TUBA3D: variants seen among roughly 807,000 people sequenced by gnomAD.
TUBA3D encodes tubulin alpha-3D chain.
A neutral mutation model predicts 36.1 loss-of-function variants in TUBA3D; 24 were observed. The ratio of observed to expected loss-of-function variants is 0.66; its 90% CI spans 0.48 to 0.93. The LOEUF (loss-of-function observed/expected upper bound fraction) is 0.93, where lower values mean the gene tolerates loss of function less well. Among genes scored for constraint, TUBA3D ranks in the 40% least tolerant of loss-of-function variants. TUBA3D has a pLI of 0.00. For synonymous variants in TUBA3D, 185 were observed against 247.2 expected (o/e 0.75, Z 2.36); for missense variants, 356 against 614.5 (o/e 0.58, Z 4.45).
At chr2:131,478,127 G>T in intron 1 of TUBA3D, 37 bp from the exon 2 acceptor site, 1 of 1,594,860 alleles carries the variant, frequency 6.3e-7, no homozygotes, top group African/African-American at 1.3e-5. Flanking sequence ...AAGTTGCCTT[G>T]AAATGAATGG....
rs1307097830 is a variant in TUBA3D, at chr2:131,482,638, C to T, written c.1143C>T (p.Thr381=). Residue 381 remains threonine, a synonymous_variant, in exon 5 of 5, where the codon ACC becomes ACT. Transcript: ENST00000321253. ...GGGCCGTGTGCATGCTGAGCAACACCACGGCCATTGCGGAGGCCTGGGCCC... is the reference window on the plus strand; with the variant it reads ...GGGCCGTGTGCATGCTGAGCAACACTACGGCCATTGCGGAGGCCTGGGCCC... ...VQRAVCMLSN[T]TAIAEAWARL... 6.2e-7 allele frequency: 1 copy of T among 1,614,118 alleles called. No homozygotes were observed. The highest frequency in any genetic ancestry group is 8.5e-7 in the Non-Finnish European group (1 of 1,180,054).
intron 3 of TUBA3D, among the ~76,000 whole-genome samples, 195 bp downstream of exon 3, chr2:131,479,651 C>T (rs1678784622): frequency 6.6e-6 from 1 of 152,098 alleles, no homozygotes; most frequent in South Asian, 2.1e-4. Flanking sequence ...ACCAGCCTGG[C>T]CTACATGGTG....
intron 4 of TUBA3D, among the ~76,000 whole-genome samples, chr2:131,482,139 G>A (rs1215682479): frequency 6.6e-6 from 1 of 152,136 alleles, no homozygotes; most frequent in Non-Finnish European, 1.5e-5. Context: ...GTCAGAAGTG[G>A]GTATGATGTT....
intron 1 of TUBA3D, among the ~76,000 whole-genome samples, chr2:131,477,209 T>A (rs1573856710): frequency 6.6e-6 from 1 of 151,318 alleles, no homozygotes; most frequent in Non-Finnish European, 1.5e-5. Context: ...GGCTAATTTG[T>A]AGATTTTTCA....
At position 131,480,870 on chromosome 2, in the gene TUBA3D, T is replaced by C. The variant is rs566220036; in HGVS notation, c.1056+121T>C. 24 of 1,375,792 alleles carry C rather than the reference T, an allele frequency of 1.7e-5. 1 individual carries two copies. Among genetic ancestry groups the C allele is most frequent in the South Asian group, 2.8e-5 (2 of 70,328 alleles). 85.2% of individuals were successfully genotyped at this position (1,375,792 alleles called of 1,614,324 possible). Reference sequence around the variant, plus strand: ...GTTCCATGGGCTAGGCATGTGGGCATAAATTAGTGAACCAGAGTTGATAAT... The same window carrying C: ...GTTCCATGGGCTAGGCATGTGGGCACAAATTAGTGAACCAGAGTTGATAAT... On this transcript the variant is annotated intron_variant, in intron 4 of 4. Transcript: ENST00000321253.
chr2:131,479,217 T>C (rs1311127535), intron 2 of TUBA3D, 91 bp from the exon 3 acceptor site: 1 of 1,529,192 alleles, frequency 6.5e-7, no homozygotes, highest in East Asian at 2.3e-5. Flanking sequence ...TTGAACAGCA[T>C]GTGCTCTGTA....
intron 1 of TUBA3D, among the ~76,000 whole-genome samples, chr2:131,476,790 C>T (rs1678687176): frequency 6.6e-6 from 1 of 151,708 alleles, no homozygotes; most frequent in South Asian, 2.1e-4. Flanking sequence ...CAAAAATTAC[C>T]CGGGCATGGT....
At chr2:131,477,483 A>T (rs772289876) in intron 1 of TUBA3D, among the ~76,000 whole-genome samples, 2 of 152,066 alleles carry the variant, frequency 1.3e-5, no homozygotes, top group African/African-American at 2.4e-5. Context: ...GCCTGCCAAA[A>T]GTGTGGCCTT....
In TUBA3D at chr2:131,477,037, C is replaced by CTT. The variant is rs1229461335; in HGVS notation, c.3+846_3+847dup. ...TCCTTTTTTTCCTTTCTTTTTCTTT[C>CTT]TTTTTTTTTTTTGAGACAGCACTCA... On this transcript the variant is annotated intron_variant, in intron 1 of 4. Transcript: ENST00000321253. Among the ~76,000 whole-genome samples the CTT allele has an allele frequency of 1.1e-4, 12 of 108,716 alleles. 2 individuals are homozygous for CTT. The highest frequency in any genetic ancestry group is 2.5e-4 in the South Asian group (1 of 4,044). 71.3% of individuals were successfully genotyped at this position (108,716 alleles called of 152,430 possible).
In TUBA3D at chr2:131,479,359, T is replaced by A. The variant is rs1335155408; in HGVS notation, c.278T>A (p.Ile93Asn). The A allele has an allele frequency of 6.2e-7, 1 of 1,614,138 alleles. No individual in the cohort carries two copies. The highest frequency in any genetic ancestry group is 1.7e-5 in the Admixed American group (1 of 60,010). Reference sequence around the variant, plus strand: ...CAGCTCTTCCACCCGGAGCAGCTGATCACCGGGAAGGAAGATGCAGCCAAT... The same window carrying A: ...CAGCTCTTCCACCCGGAGCAGCTGAACACCGGGAAGGAAGATGCAGCCAAT... ...YRQLFHPEQLITGKEDAANNY... is the reference protein window; with the variant it reads ...YRQLFHPEQLNTGKEDAANNY... The change falls in exon 3 of 5, where the codon ATC becomes AAC. Residue 93 changes from isoleucine to asparagine, a missense_variant. Ile to Asn is a moderately radical substitution (Grantham distance 149, BLOSUM62 -3). Coordinates refer to ENST00000321253, the MANE Select transcript of TUBA3D (RefSeq NM_080386.4).
At position 131,479,345 on chromosome 2, in the gene TUBA3D, C is replaced by T. The variant is rs1412689415; in HGVS notation, c.264C>T (p.His88=). 2 of 1,614,112 alleles carry T rather than the reference C, an allele frequency of 1.2e-6. No individual in the cohort carries two copies. Among genetic ancestry groups the T allele is most frequent in the East Asian group, 2.2e-5 (1 of 44,870 alleles). ...CAGGGACCTACAGGCAGCTCTTCCA[C>T]CCGGAGCAGCTGATCACCGGGAAGG... ...VRTGTYRQLF[H]PEQLITGKED... The change falls in exon 3 of 5, where the codon CAC becomes CAT. Residue 88 remains histidine (H), a synonymous_variant. Coordinates refer to ENST00000321253, the MANE Select transcript of TUBA3D (RefSeq NM_080386.4).
In TUBA3D at chr2:131,480,378, C is replaced by A; in HGVS notation, c.685C>A (p.Arg229Ser). ...IERPTYTNLNRLIGQIVSSIT... is the reference protein window; with the variant it reads ...IERPTYTNLNSLIGQIVSSIT... ...ACGTCCCACGTACACCAACCTCAAT[C>A]GCCTGATTGGGCAGATCGTGTCCTC... The change falls in exon 4 of 5, where the codon CGC becomes AGC. Residue 229 changes from arginine (R) to serine (S), a missense_variant. Arg to Ser is a moderately radical substitution (Grantham distance 110). This residue lies in a region of TUBA3D where 91 missense variants were observed against 240.9 expected (regional missense o/e 0.38). Transcript: ENST00000321253. 1 of 1,607,654 alleles carries A rather than the reference C, an allele frequency of 6.2e-7. No homozygotes were observed. Among genetic ancestry groups the A allele is most frequent in the South Asian group, 1.1e-5 (1 of 90,968 alleles).
rs958986034 is a variant in TUBA3D at position 131,480,461 on chromosome 2, G to A, written c.768G>A (p.Gln256=). ...TGAATGTGGACTTGACGGAATTCCA[G>A]ACCAACCTAGTGCCGTACCCCCGCA... The part of the protein sequence containing the change: ...GALNVDLTEF[Q]TNLVPYPRIH... Residue 256 remains glutamine (Q), a synonymous_variant, in exon 4 of 5, where the codon CAG becomes CAA. Transcript: ENST00000321253. The A allele has an allele frequency of 1.9e-6, 3 of 1,588,298 alleles. No individual in the cohort carries two copies. The highest frequency in any genetic ancestry group is 2.6e-6 in the Non-Finnish European group (3 of 1,171,732).
In TUBA3D at chr2:131,476,146, T is replaced by C; in HGVS notation, c.-54T>C. On this transcript the variant is annotated 5_prime_UTR_variant, in exon 1 of 5. Coordinates refer to ENST00000321253, the MANE Select transcript of TUBA3D (RefSeq NM_080386.4). ...GTTGCAGTTGGGCGCTCAGCAGCTG[T>C]GGCAGCCGGTTGAGGTCTGGCAGTA... is the stretch of plus-strand genomic sequence containing the variant. 2 of 1,612,976 alleles carry C rather than the reference T, an allele frequency of 1.2e-6. No individual in the cohort carries two copies. Among genetic ancestry groups the C allele is most frequent in the Admixed American group, 1.7e-5 (1 of 59,996 alleles).
In TUBA3D at chr2:131,480,121, G is replaced by A. The variant is rs371318608; in HGVS notation, c.428G>A (p.Gly143Asp). ...TTCCTCATCTTCCACAGCTTTGGGG[G>A]CGGCACTGGCTCTGGGTTCGCATCT... ...QGFLIFHSFGGGTGSGFASLL... is the reference protein window; with the variant it reads ...QGFLIFHSFGDGTGSGFASLL... The change falls in exon 4 of 5, where the codon GGC becomes GAC. Residue 143 changes from glycine (G) to aspartate (D), a missense_variant. Around this residue, in one of 3 missense-constraint regions of TUBA3D, gnomAD observed 91 missense variants for 240.9 expected, o/e 0.38. Coordinates refer to ENST00000321253, the MANE Select transcript of TUBA3D (RefSeq NM_080386.4). 8.2e-5 allele frequency: 132 copies of A among 1,612,750 alleles called. No homozygotes were observed. Among genetic ancestry groups the A allele is most frequent in the Non-Finnish European group, 1.1e-4 (127 of 1,179,380 alleles).
At chr2:131,477,345 T>G (rs1317123588) in intron 1 of TUBA3D, among the ~76,000 whole-genome samples, 1 of 152,186 alleles carries the variant, frequency 6.6e-6, no homozygotes, top group Non-Finnish European at 1.5e-5. Context: ...TGGCAGGGTT[T>G]AAAGAAACCA....
At chr2:131,476,827 C>T (rs926919955) in intron 1 of TUBA3D, among the ~76,000 whole-genome samples, 3 of 150,900 alleles carry the variant, frequency 2.0e-5, no homozygotes, top group African/African-American at 7.4e-5. Flanking sequence ...TCCAGCTACT[C>T]GGGAGGCTGA....
chr2:131,482,623 C>T lies in TUBA3D; in HGVS notation c.1128C>T (p.Cys376=). ...TGGCCAAGGTGCAGCGGGCCGTGTG[C>T]ATGCTGAGCAACACCACGGCCATTG... ...GDLAKVQRAV[C]MLSNTTAIAE... Residue 376 remains cysteine (C), a synonymous_variant, in exon 5 of 5, where the codon TGC becomes TGT. Coordinates refer to ENST00000321253, the MANE Select transcript of TUBA3D (RefSeq NM_080386.4). The T allele has an allele frequency of 6.2e-7, 1 of 1,614,180 alleles. No individual in the cohort carries two copies. The highest frequency in any genetic ancestry group is 1.3e-5 in the African/African-American group (1 of 75,054).
At position 131,479,457 on chromosome 2, in the gene TUBA3D, G is replaced by T. The variant is rs769681723; in HGVS notation, c.375+1G>T. 7 of 1,613,878 alleles carry T rather than the reference G, an allele frequency of 4.3e-6. No homozygotes were observed. Among genetic ancestry groups the T allele is most frequent in the Non-Finnish European group, 5.9e-6 (7 of 1,179,846 alleles). On this transcript the variant is annotated splice_donor_variant, in intron 3 of 4. Coordinates refer to ENST00000321253, the MANE Select transcript of TUBA3D (RefSeq NM_080386.4). LOFTEE classifies it high-confidence loss of function. ...AGTCCTGGACCGGATCCGCAAACTG[G>T]TAAGAAGAGAAGGTTTCATGTGGCC... is the stretch of plus-strand genomic sequence containing the variant.
Sources: allele counts gnomAD v4.1 joint callset (sites outside exome capture counted in the v4.1 genomes callset), GRCh38; gene constraint gnomAD v4.1.1; regional missense constraint gnomAD v4.1.1; transcripts MANE v1.5; gene names NCBI Gene and HGNC (gene_info 2026-07-23, HGNC 2026-07-21).